Variants in IL13RA1 observed in about 807,000 individuals in gnomAD.
IL13RA1 encodes the protein interleukin 13 receptor subunit alpha 1, also known as interleukin-13 receptor subunit alpha-1.
Under a neutral mutation model 33.8 loss-of-function variants are expected in IL13RA1, and 14 were observed. The observed-to-expected ratio is 0.41, with a 90% confidence interval of 0.27 to 0.65. The LOEUF (loss-of-function observed/expected upper bound fraction) is 0.65. Ranked by LOEUF, IL13RA1 falls within the 30% of genes least tolerant of loss-of-function variation. The pLI is 0.28. For missense variants in IL13RA1, 313 were observed against 327.0 expected (o/e 0.96, Z 0.33); for synonymous variants, 116 against 115.7 (o/e 1.00, Z -0.02).
chrX:118,744,539 A>G (rs1046351974), intron 2 of IL13RA1, among the ~76,000 whole-genome samples: 2 of 111,244 alleles, frequency 1.8e-5, no homozygotes, highest in African/African-American at 6.5e-5. Context: ...AGCTGGAACT[A>G]CAGGTGCATG....
Position 118,791,776 on chromosome X carries a change from C to T in IL13RA1, c.1206C>T (p.Tyr402=), listed in dbSNP as rs967796790. The change falls in exon 11 of 11, where the codon TAC becomes TAT. Residue 402 remains tyrosine, a synonymous_variant. Transcript: ENST00000371666. ...CTCCCTTCTAGCACTGGAAGAAGTA[C>T]GACATCTATGAGAAGCAAACCAAGG... ...QNDDTLHWKK[Y]DIYEKQTKEE... is the part of the protein sequence containing the mutation. The T allele has an allele frequency of 2.6e-5, 26 of 1,011,008 alleles. No homozygotes were observed. The highest frequency in any genetic ancestry group is 2.5e-4 in the Middle Eastern group (1 of 3,969). The allele number at this position is 1,011,008 out of a possible 1,213,427, so 83.3% of individuals were successfully genotyped here.
chrX:118,803,737 T>C, the IL13RA1 span, among the ~76,000 whole-genome samples: 1 of 111,108 alleles, frequency 9.0e-6, no homozygotes, highest in African/African-American at 3.3e-5. Context: ...TACATTGGCA[T>C]TTAGGAATGA....
chrX:118,727,785 C>A, intron 1 of IL13RA1, 59 bp downstream of exon 1: 4 of 546,879 alleles, frequency 7.3e-6, no homozygotes, highest in Non-Finnish European at 9.8e-6. Context: ...GTGAGGGTCA[C>A]GGCTGAAAGG....
At chrX:118,796,228 A>G (rs916683809), downstream of IL13RA1, among the ~76,000 whole-genome samples, 1 of 112,455 alleles carries the variant, frequency 8.9e-6, no homozygotes, top group South Asian at 3.6e-4. Flanking sequence ...CATAATCTGT[A>G]TGCTGGTCCC....
intron 1 of IL13RA1, among the ~76,000 whole-genome samples, chrX:118,734,221 A>G (rs2147363870): frequency 8.9e-6 from 1 of 112,494 alleles, no homozygotes; most frequent in South Asian, 3.6e-4. Context: ...ACATCTTAAC[A>G]ATATTAAGTG....
At chrX:118,772,281 A>G (rs2017731586) in intron 8 of IL13RA1, among the ~76,000 whole-genome samples, 1 of 112,692 alleles carries the variant, frequency 8.9e-6, no homozygotes, top group Non-Finnish European at 1.9e-5. Flanking sequence ...GTGCGTGCGC[A>G]CACGTGCGTA....
At chrX:118,748,432 G>C (rs1311115177) in intron 3 of IL13RA1, among the ~76,000 whole-genome samples, 1 of 106,258 alleles carries the variant, frequency 9.4e-6, no homozygotes, top group Non-Finnish European at 1.9e-5. Context: ...GGGAGGCCAA[G>C]GTGGGCGAAT....
chrX:118,804,448 T>C, the IL13RA1 span, among the ~76,000 whole-genome samples: 1 of 108,122 alleles, frequency 9.2e-6, no homozygotes, highest in Admixed American at 1.0e-4. Flanking sequence ...TGCCAACTTC[T>C]AATATGTCTA....
At chrX:118,740,952 G>C in intron 1 of IL13RA1, 65 bp from the exon 2 acceptor site, 3 of 734,745 alleles carry the variant, frequency 4.1e-6, no homozygotes, top group Non-Finnish European at 6.5e-6. Flanking sequence ...GGACTTGGGA[G>C]AATTAAGCAA....
At chrX:118,804,013 A>G in the IL13RA1 span, among the ~76,000 whole-genome samples, 1 of 98,442 alleles carries the variant, frequency 1.0e-5, no homozygotes, top group Non-Finnish European at 2.0e-5. Flanking sequence ...CTGGAGTGCA[A>G]TGGTGCGATC....
Position 118,741,062 on chromosome X carries a change from T to A in IL13RA1, c.134T>A (p.Leu45His). The change falls in exon 2 of 11, where the codon CTC (leucine) becomes CAC (histidine). Residue 45 changes from leucine to histidine, a missense_variant. Leu to His is a moderately conservative substitution (Grantham distance 99). Transcript: ENST00000371666. ...AATTTGAGTGTCTCTGTTGAAAACC[T>A]CTGCACAGTAATATGGACATGGAAT... ...VTNLSVSVEN[L>H]CTVIWTWNPP... The A allele has an allele frequency of 9.1e-7, 1 of 1,103,524 alleles. No individual in the cohort carries two copies. The highest frequency in any genetic ancestry group is 1.3e-6 in the Non-Finnish European group (1 of 796,565). The allele number at this position is 1,103,524 out of a possible 1,213,427, so 90.9% of individuals were successfully genotyped here.
At chrX:118,731,112 T>C (rs952787205) in intron 1 of IL13RA1, among the ~76,000 whole-genome samples, 1 of 111,843 alleles carries the variant, frequency 8.9e-6, no homozygotes, top group African/African-American at 3.3e-5. Flanking sequence ...GACTTGGGAT[T>C]TGAGGTTTAG....
intron 10 of IL13RA1, among the ~76,000 whole-genome samples, chrX:118,784,129 G>GTGTA (rs1556373104): frequency 0.026 from 1,603 of 61,510 alleles, 118 homozygotes; most frequent in South Asian, 0.04. Flanking sequence ...GTATATATAT[G>GTGTA]TATATATATA....
chrX:118,781,783 A>T (rs761027958), intron 10 of IL13RA1, among the ~76,000 whole-genome samples: 1 of 112,318 alleles, frequency 8.9e-6, no homozygotes, highest in Non-Finnish European at 1.9e-5. Flanking sequence ...AACTGCCCAA[A>T]TTGTCAGGAG....
chrX:118,743,402 GAGAC>G (rs2017367277), intron 2 of IL13RA1, among the ~76,000 whole-genome samples: 3 of 111,869 alleles, frequency 2.7e-5, no homozygotes, highest in African/African-American at 9.8e-5. Context: ...ATCAAGTTGA[GAGAC>G]AGGGATTTGC....
intron 10 of IL13RA1, among the ~76,000 whole-genome samples, chrX:118,782,628 C>CA (rs1385628384): frequency 9.2e-6 from 1 of 109,248 alleles, no homozygotes; most frequent in East Asian, 2.9e-4. Flanking sequence ...GACAGCGTCT[C>CA]ACTGTGTTGC....
chrX:118,784,090 A>AAAAAATATATATAT (rs1556372973), intron 10 of IL13RA1, among the ~76,000 whole-genome samples: 8 of 63,959 alleles, frequency 1.3e-4, no homozygotes, highest in African/African-American at 5.9e-4. Flanking sequence ...AAAAAAAAAA[A>AAAAAATATATATAT]ATATATATAT....
At chrX:118,769,843 C>A in intron 8 of IL13RA1, 1 of 136,418 alleles carries the variant, frequency 7.3e-6, no homozygotes, top group Non-Finnish European at 1.5e-5. Flanking sequence ...TCAACACCAC[C>A]ACATTCACGT....
At chrX:118,762,469 T>C (rs1488300609) in intron 6 of IL13RA1, among the ~76,000 whole-genome samples, 1 of 112,080 alleles carries the variant, frequency 8.9e-6, no homozygotes, top group Non-Finnish European at 1.9e-5. Flanking sequence ...GTAAATTCCT[T>C]GGTCCAGTTG....
Sources: allele counts gnomAD v4.1 joint callset (sites outside exome capture counted in the v4.1 genomes callset), GRCh38; gene constraint gnomAD v4.1.1; transcripts MANE v1.5; gene names NCBI Gene and HGNC (gene_info 2026-07-23, HGNC 2026-07-21).